The following NEBL variants were observed in gnomAD, a reference collection of about 807,000 sequenced individuals.
The protein encoded by NEBL is LIM and SH3 protein 2.
NEBL carries 122 observed loss-of-function variants against 140.2 expected under a neutral mutation model. The ratio of observed to expected loss-of-function variants is 0.87; its 90% CI spans 0.75 to 1.01. The LOEUF (loss-of-function observed/expected upper bound fraction) is 1.01, where lower values mean the gene tolerates loss of function less well. NEBL is among the 50% of genes least tolerant of loss of function. The pLI, the probability that NEBL is intolerant of heterozygous loss-of-function variation, is 0.00. For missense variants in NEBL, 1,365 were observed against 1,231.3 expected, an observed-to-expected ratio of 1.11 and a Z score of -1.62; for synonymous variants, 436 against 398.9, an observed-to-expected ratio of 1.09 and a Z score of -1.11.
chr10:20,965,539 T>C (rs1836268554), intron 3 of NEBL, among the ~76,000 whole-genome samples: 1 of 152,012 alleles, frequency 6.6e-6, no homozygotes, highest in Non-Finnish European at 1.5e-5. Context: ...GCAACCTTAG[T>C]GGGAGGGAAG....
At chr10:21,103,021 C>T (rs1170218751) in intron 2 of NEBL, among the ~76,000 whole-genome samples, 1 of 148,290 alleles carries the variant, frequency 6.7e-6, no homozygotes, top group Non-Finnish European at 1.5e-5. Context: ...TGTTCCCCTC[C>T]TTGTGTCCAT....
At chr10:20,973,387 T>C (rs1200956968) in intron 3 of NEBL, among the ~76,000 whole-genome samples, 3 of 151,888 alleles carry the variant, frequency 2.0e-5, no homozygotes, top group Non-Finnish European at 4.4e-5. Context: ...AGCTAGGACT[T>C]TGGGCATGAG....
intron 2 of NEBL, among the ~76,000 whole-genome samples, chr10:21,091,086 T>A (rs1203192536): frequency 6.6e-6 from 1 of 151,926 alleles, no homozygotes; most frequent in Non-Finnish European, 1.5e-5. Flanking sequence ...CTCGGATTCG[T>A]CTGTGTATTT....
intron 26 of NEBL, among the ~76,000 whole-genome samples, chr10:20,805,293 T>A (rs902305463): frequency 1.3e-5 from 2 of 152,318 alleles, no homozygotes; most frequent in East Asian, 3.9e-4. Context: ...AATACTGACA[T>A]CAGGTGCCAA....
chr10:21,142,026 C>G (rs1839654713), intron 2 of NEBL, among the ~76,000 whole-genome samples: 1 of 152,114 alleles, frequency 6.6e-6, no homozygotes, highest in Non-Finnish European at 1.5e-5. Context: ...TCAACTCCAG[C>G]CTGGCCGGGA....
intron 2 of NEBL, among the ~76,000 whole-genome samples, chr10:21,088,164 C>T (rs1836732060): frequency 6.6e-6 from 1 of 152,194 alleles, no homozygotes; most frequent in Non-Finnish European, 1.5e-5. Context: ...CATTGTCAGT[C>T]TTCTGGCAGA....
intron 2 of NEBL, among the ~76,000 whole-genome samples, chr10:21,076,002 G>A (rs371529649): frequency 1.3e-4 from 20 of 152,194 alleles, no homozygotes; most frequent in African/African-American, 4.6e-4. Context: ...CACACATTAC[G>A]ATGGTCATGA....
intron 3 of NEBL, among the ~76,000 whole-genome samples, chr10:21,216,850 T>C (rs1444659437): frequency 6.6e-6 from 1 of 151,380 alleles, no homozygotes; most frequent in Non-Finnish European, 1.5e-5. Flanking sequence ...TAGCCGGGTG[T>C]GGTGGCACGT....
chr10:21,184,129 G>GA (rs767717945), intron 3 of NEBL, among the ~76,000 whole-genome samples: 1 of 152,160 alleles, frequency 6.6e-6, no homozygotes, highest in Non-Finnish European at 1.5e-5. Flanking sequence ...TTTAATGAGT[G>GA]AAAAAGGGAA....
intron 2 of NEBL, among the ~76,000 whole-genome samples, chr10:21,095,737 T>C (rs1423543512): frequency 6.6e-6 from 1 of 152,216 alleles, no homozygotes; most frequent in African/African-American, 2.4e-5. Flanking sequence ...CTGGTTAGCT[T>C]CATCTTGATG....
At position 20,784,204 on chromosome 10, in the gene NEBL, T is replaced by A. The variant is rs929298176; in HGVS notation, c.*1543A>T. The A allele has an allele frequency of 3.0e-4, 45 of 152,288 alleles. No individual in the cohort carries two copies. The highest frequency in any genetic ancestry group is 9.1e-4 in the African/African-American group (38 of 41,574). 9.4% of individuals were successfully genotyped at this position (152,288 alleles called of 1,614,324 possible). On this transcript the variant is annotated 3_prime_UTR_variant, in exon 28 of 28. Transcript: ENST00000377122. ...TTTGCTTTTTCGGTTTTGTCATAGC[T>A]GTGAAGTCAGACCCTAAGTGAATGC...
At chr10:20,790,610 A>AAC (rs1248970985) in intron 26 of NEBL, among the ~76,000 whole-genome samples, 1 of 151,786 alleles carries the variant, frequency 6.6e-6, no homozygotes, top group African/African-American at 2.4e-5. Flanking sequence ...CAAAAAAAAA[A>AAC]AAACAAAACA....
At chr10:21,257,501 C>T (rs1842673353) in intron 1 of NEBL, among the ~76,000 whole-genome samples, 1 of 152,176 alleles carries the variant, frequency 6.6e-6, no homozygotes, top group East Asian at 1.9e-4. Context: ...AGCACTGGTC[C>T]TCACCTCCAT....
chr10:20,895,350 C>T (rs1248054237), intron 2 of NEBL, among the ~76,000 whole-genome samples: 3 of 152,174 alleles, frequency 2.0e-5, no homozygotes, highest in Non-Finnish European at 4.4e-5. Context: ...CGAAGAACAA[C>T]ATTTCATGGA....
chr10:21,036,000 C>T (rs573343694), intron 2 of NEBL, among the ~76,000 whole-genome samples: 1 of 151,706 alleles, frequency 6.6e-6, no homozygotes, highest in South Asian at 2.1e-4. Flanking sequence ...CCATTTCCAC[C>T]AAAAATACAA....
At position 21,130,557 on chromosome 10, in the gene NEBL, A is replaced by G. The variant is rs79069625; in HGVS notation, c.164+41826T>C. Among the ~76,000 whole-genome samples, 341 of 152,332 alleles carry G rather than the reference A, an allele frequency of 2.2e-3. 14 individuals are homozygous for G. In the East Asian group the frequency reaches 0.058, roughly 26 times the overall value. ...ATACAATGTCTTCTCTCAGATCACA[A>G]TGAAATTAAACTAGAAGTCAATAAC... is the stretch of plus-strand genomic sequence containing the variant. On this transcript the variant is annotated intron_variant, in intron 2 of 6. Coordinates refer to the NEBL transcript ENST00000417816.
chr10:20,886,894 A>G (rs1846571092), intron 4 of NEBL, among the ~76,000 whole-genome samples: 1 of 152,198 alleles, frequency 6.6e-6, no homozygotes, highest in South Asian at 2.1e-4. Context: ...TTAGAAAGAA[A>G]ATTTTAAAAT....
At chr10:21,195,862 T>A (rs370838335) in intron 3 of NEBL, among the ~76,000 whole-genome samples, 21 of 152,200 alleles carry the variant, frequency 1.4e-4, no homozygotes, top group Admixed American at 6.5e-4. Context: ...ACAAGCACTC[T>A]GTAAATATTT....
intron 13 of NEBL, among the ~76,000 whole-genome samples, chr10:20,840,407 C>T (rs1463261665): frequency 1.3e-5 from 2 of 152,096 alleles, no homozygotes; most frequent in African/African-American, 4.8e-5. Context: ...AGCATGTGAA[C>T]TTTCTACCTG....
Sources: allele counts gnomAD v4.1 joint callset (sites outside exome capture counted in the v4.1 genomes callset), GRCh38; gene constraint gnomAD v4.1.1; transcripts MANE v1.5; gene names NCBI Gene and HGNC (gene_info 2026-07-23, HGNC 2026-07-21).